The following SLC14A2 variants were observed in gnomAD, a reference collection of about 807,000 sequenced individuals.
SLC14A2 encodes the protein solute carrier family 14 member 2, also known as urea transporter 2.
In SLC14A2, 91 loss-of-function variants were observed where a neutral mutation model predicts 104.6. That is an observed-to-expected ratio of 0.87 (90% CI 0.73 to 1.04). The LOEUF (loss-of-function observed/expected upper bound fraction) is 1.04, where lower values mean the gene tolerates loss of function less well. Ranked by LOEUF, SLC14A2 falls within the 50% of genes least tolerant of loss-of-function variation. The pLI, the probability that SLC14A2 is intolerant of heterozygous loss-of-function variation, is 0.00. For missense variants in SLC14A2, 1,189 were observed against 1,156.0 expected (o/e 1.03, Z -0.41); for synonymous variants, 476 against 466.4 (o/e 1.02, Z -0.27).
chr18:45,297,424 C>T (rs1379110338), intron 1 of SLC14A2, among the ~76,000 whole-genome samples: 1 of 152,226 alleles, frequency 6.6e-6, no homozygotes, highest in Non-Finnish European at 1.5e-5. Flanking sequence ...ATTTTGAAGA[C>T]TGTGTCTTCT....
At chr18:45,477,646 C>T (rs978139209) in intron 1 of SLC14A2, among the ~76,000 whole-genome samples, 1 of 152,204 alleles carries the variant, frequency 6.6e-6, no homozygotes, top group African/African-American at 2.4e-5. Context: ...AAGCCCATGA[C>T]TGGGGCTGCT....
At chr18:45,192,636 GGTTTTT>G in the SLC14A2 span, among the ~76,000 whole-genome samples, 2 of 112,752 alleles carry the variant, frequency 1.8e-5, no homozygotes, top group African/African-American at 6.8e-5. Context: ...GTGTGTGTGT[GGTTTTT>G]TTTTGTTTTG....
At chr18:45,487,111 T>C (rs2087621859) in intron 2 of SLC14A2, among the ~76,000 whole-genome samples, 1 of 152,250 alleles carries the variant, frequency 6.6e-6, no homozygotes, top group South Asian at 2.1e-4. Context: ...AGGGTCACAC[T>C]GGACTAAAAT....
chr18:45,539,380 G>C (rs997378303), intron 2 of SLC14A2, among the ~76,000 whole-genome samples: 9 of 152,222 alleles, frequency 5.9e-5, no homozygotes, highest in Non-Finnish European at 1.0e-4. Context: ...TGCCAGGACA[G>C]AGGATGCTCA....
At chr18:45,611,884 A>G (rs997562892), upstream of SLC14A2, among the ~76,000 whole-genome samples, 9 of 152,220 alleles carry the variant, frequency 5.9e-5, no homozygotes, top group Non-Finnish European at 1.3e-4. Context: ...GAGGAAGGAA[A>G]GTGCTTTGTA....
At chr18:45,232,572 A>G (rs893085806) in intron 1 of SLC14A2, among the ~76,000 whole-genome samples, 1 of 152,230 alleles carries the variant, frequency 6.6e-6, no homozygotes, top group Non-Finnish European at 1.5e-5. Flanking sequence ...GGAAGAATTA[A>G]CCAACTTGGT....
At chr18:45,395,550 G>T (rs899727136) in intron 1 of SLC14A2, among the ~76,000 whole-genome samples, 1 of 152,100 alleles carries the variant, frequency 6.6e-6, no homozygotes, top group Non-Finnish European at 1.5e-5. Context: ...TTTTTAATAT[G>T]TGGGGTTTTT....
intron 2 of SLC14A2, among the ~76,000 whole-genome samples, chr18:45,595,835 T>G (rs555041506): frequency 1.3e-5 from 2 of 152,110 alleles, no homozygotes; most frequent in African/African-American, 4.8e-5. Flanking sequence ...TGAACGTCCT[T>G]GTTCAACTCA....
chr18:45,463,429 G>T (rs993860585), intron 1 of SLC14A2, among the ~76,000 whole-genome samples: 1 of 152,174 alleles, frequency 6.6e-6, no homozygotes, highest in South Asian at 2.1e-4. Context: ...AGATGATGAG[G>T]GGGGAGCCTC....
At position 45,531,237 on chromosome 18, in the gene SLC14A2, A is replaced by G. The variant is rs1340418659; in HGVS notation, c.-35+47915A>G. Among the ~76,000 whole-genome samples the G allele has an allele frequency of 2.0e-5, 3 of 152,330 alleles. No individual in the cohort carries two copies. The East Asian group carries it at 5.8e-4, about 29-fold the overall frequency. On this transcript the variant is annotated intron_variant, in intron 2 of 20. Transcript: ENST00000586448. ...CCCAGTAATGGGATGGCTGGGTCAAATGGCATTTCTAGTTCTAGATCCCTG... is the reference window on the plus strand; with the variant it reads ...CCCAGTAATGGGATGGCTGGGTCAAGTGGCATTTCTAGTTCTAGATCCCTG...
intron 1 of SLC14A2, among the ~76,000 whole-genome samples, chr18:45,352,743 C>T (rs1278327437): frequency 2.0e-5 from 3 of 151,970 alleles, no homozygotes; most frequent in African/African-American, 4.8e-5. Context: ...GCAAGCTTCC[C>T]GGAAGAAAGG....
chr18:45,267,518 G>A (rs994432119), intron 1 of SLC14A2, among the ~76,000 whole-genome samples: 1 of 152,104 alleles, frequency 6.6e-6, no homozygotes, highest in Non-Finnish European at 1.5e-5. Flanking sequence ...ACATCAATAG[G>A]CAATCATTTT....
chr18:45,196,855 C>T, the SLC14A2 span, among the ~76,000 whole-genome samples: 1 of 152,202 alleles, frequency 6.6e-6, no homozygotes, highest in Non-Finnish European at 1.5e-5. Context: ...AACTAATATC[C>T]TTGAAATAAC....
the SLC14A2 span, among the ~76,000 whole-genome samples, chr18:45,206,459 C>T: frequency 6.9e-4 from 105 of 152,062 alleles, no homozygotes; most frequent in African/African-American, 2.5e-3. Context: ...AGATACTTGG[C>T]CTAAAAACGA....
At chr18:45,449,333 A>G (rs1479346983) in intron 1 of SLC14A2, among the ~76,000 whole-genome samples, 1 of 152,082 alleles carries the variant, frequency 6.6e-6, no homozygotes, top group Non-Finnish European at 1.5e-5. Flanking sequence ...ACCTATGAGA[A>G]TCTCACCTAT....
chr18:45,184,711 C>T, the SLC14A2 span, among the ~76,000 whole-genome samples: 1 of 152,198 alleles, frequency 6.6e-6, no homozygotes, highest in African/African-American at 2.4e-5. Context: ...AAGTAGTAAA[C>T]TTTCAGCTGC....
At chr18:45,313,188 G>A (rs1032437106) in intron 1 of SLC14A2, among the ~76,000 whole-genome samples, 1 of 152,172 alleles carries the variant, frequency 6.6e-6, no homozygotes, top group Non-Finnish European at 1.5e-5. Flanking sequence ...ATGAGCTGAG[G>A]GGATTTTCCT....
At chr18:45,608,654 T>G (rs187572117) in intron 2 of SLC14A2, among the ~76,000 whole-genome samples, 1 of 152,350 alleles carries the variant, frequency 6.6e-6, no homozygotes, top group Admixed American at 6.5e-5. Flanking sequence ...TATAACCAAC[T>G]TATCTGTCCC....
At chr18:45,186,482 C>T in the SLC14A2 span, among the ~76,000 whole-genome samples, 2 of 152,148 alleles carry the variant, frequency 1.3e-5, no homozygotes, top group Non-Finnish European at 2.9e-5. Context: ...AACTATAAAA[C>T]TTATAGAAGA....
Sources: gnomAD v4.1 joint callset for allele counts (sites outside exome capture counted in the v4.1 genomes callset) on GRCh38, gnomAD v4.1.1 for gene constraint, MANE v1.5 for transcripts, NCBI Gene and HGNC (gene_info 2026-07-23, HGNC 2026-07-21) for gene names.